TECRL: variants seen among roughly 807,000 people sequenced by gnomAD.
TECRL encodes the protein trans-2,3-enoyl-CoA reductase-like.
A neutral mutation model predicts 52.8 loss-of-function variants in TECRL; 63 were observed. That is an observed-to-expected ratio of 1.19 (90% confidence interval 0.97 to 1.47). The LOEUF is 1.47. TECRL is among the 40% of genes most tolerant of loss of function. The probability of loss-of-function intolerance (pLI) is 0.00; values close to 1 mark genes in which losing one functional copy is unlikely to be tolerated. For missense variants in TECRL, 482 were observed against 429.6 expected, an observed-to-expected ratio of 1.12 and a Z score of -1.08; for synonymous variants, 164 against 141.9, an observed-to-expected ratio of 1.16 and a Z score of -1.10.
At chr4:64,407,484 C>CGTGTGT (rs1560567459) in intron 1 of TECRL, among the ~76,000 whole-genome samples, 2 of 133,258 alleles carry the variant, frequency 1.5e-5, no homozygotes, top group African/African-American at 5.6e-5. Context: ...AACTAATTGG[C>CGTGTGT]ATGTGTGTGT....
In TECRL at chr4:64,281,503, G is replaced by A; in HGVS notation, c.889C>T (p.Leu297=). The A allele has an allele frequency of 6.2e-7, 1 of 1,604,202 alleles. No individual in the cohort carries two copies. Among genetic ancestry groups the A allele is most frequent in the Non-Finnish European group, 8.5e-7 (1 of 1,174,832 alleles). The change falls in exon 10 of 12, where the codon CTG becomes TTG. Residue 297 remains leucine, a synonymous_variant. Transcript: ENST00000381210. Reference sequence around the variant, plus strand: ...TAGGTGTAGTTAGGACATGAAACCAGGAAAAACATCCATGTGAAGGGGTTA... The same window carrying A: ...TAGGTGTAGTTAGGACATGAAACCAAGAAAAACATCCATGTGAAGGGGTTA... The part of the protein sequence containing the change: ...NYNPFTWMFF[L]VSCPNYTYEI...
downstream of TECRL, chr4:64,276,928 G>T (rs1722594361): frequency 1.2e-5 from 9 of 760,136 alleles, no homozygotes; most frequent in South Asian, 1.6e-4. Context: ...ATGAAGGTTA[G>T]GTTTTAAAGG....
intron 9 of TECRL, 140 bp downstream of exon 9, chr4:64,289,570 A>G (rs1002873799): frequency 4.3e-5 from 28 of 657,280 alleles, no homozygotes; most frequent in Non-Finnish European, 5.2e-5. Flanking sequence ...TGGAAAAACT[A>G]GACATAAAAG....
At position 64,286,516 on chromosome 4, in the gene TECRL, A is replaced by G. The variant is rs1322298972; in HGVS notation, c.832+3194T>C. 2.7e-5 allele frequency among the ~76,000 whole-genome samples: 4 copies of G among 149,102 alleles called. No individual in the cohort carries two copies. The South Asian group carries it at 6.6e-4, about 24-fold the overall frequency. ...AAACTAATTTTAAAATTGTAATTTG[A>G]GGAAATTTTTTAGAACGTAAAAAAA... is the stretch of plus-strand genomic sequence containing the variant. On this transcript the variant is annotated intron_variant, in intron 9 of 11. Coordinates refer to ENST00000381210, the MANE Select transcript of TECRL (RefSeq NM_001010874.5).
intron 2 of TECRL, among the ~76,000 whole-genome samples, chr4:64,364,569 T>G (rs761020561): frequency 6.6e-6 from 1 of 151,796 alleles, no homozygotes; most frequent in African/African-American, 2.4e-5. Flanking sequence ...AGAAATGATA[T>G]AGATAACATT....
intron 2 of TECRL, among the ~76,000 whole-genome samples, chr4:64,374,144 A>G (rs1722207308): frequency 6.8e-6 from 1 of 146,670 alleles, no homozygotes; most frequent in Non-Finnish European, 1.5e-5. Context: ...TGTTCAACAT[A>G]ACCAATTCCT....
intron 4 of TECRL, among the ~76,000 whole-genome samples, chr4:64,321,504 C>G (rs1009814341): frequency 6.6e-6 from 1 of 151,968 alleles, no homozygotes; most frequent in African/African-American, 2.4e-5. Context: ...ATACAAATAA[C>G]AGAAGTTTAA....
chr4:64,356,129 G>A (rs1249896119), intron 2 of TECRL, among the ~76,000 whole-genome samples: 2 of 152,076 alleles, frequency 1.3e-5, no homozygotes, highest in Non-Finnish European at 2.9e-5. Context: ...AAAAGTCATC[G>A]CCATTCTCTA....
intron 8 of TECRL, among the ~76,000 whole-genome samples, chr4:64,295,789 G>A (rs879598260): frequency 1.2e-4 from 18 of 151,770 alleles, no homozygotes; most frequent in Admixed American, 3.3e-4. Flanking sequence ...TAAGTTAGTC[G>A]TAGCTCAAAA....
At chr4:64,347,493 C>G (rs1483582080) in intron 2 of TECRL, among the ~76,000 whole-genome samples, 1 of 152,166 alleles carries the variant, frequency 6.6e-6, no homozygotes, top group Non-Finnish European at 1.5e-5. Flanking sequence ...CTACCCAAGA[C>G]AGGCAATTTA....
intron 1 of TECRL, among the ~76,000 whole-genome samples, chr4:64,408,573 T>C (rs1724885191): frequency 6.6e-6 from 1 of 152,036 alleles, no homozygotes; most frequent in Non-Finnish European, 1.5e-5. Context: ...ATAGTGTTTT[T>C]GAAGCAAGTA....
At chr4:64,337,206 G>A (rs1719163133) in intron 2 of TECRL, among the ~76,000 whole-genome samples, 1 of 152,062 alleles carries the variant, frequency 6.6e-6, no homozygotes, top group African/African-American at 2.4e-5. Flanking sequence ...TACAGAAAAG[G>A]CCTTTGACAA....
chr4:64,375,544 C>A (rs1432054564), intron 1 of TECRL, among the ~76,000 whole-genome samples: 1 of 151,716 alleles, frequency 6.6e-6, no homozygotes, highest in African/African-American at 2.4e-5. Flanking sequence ...ATAAAACTAT[C>A]AATTAAAAAT....
intron 1 of TECRL, among the ~76,000 whole-genome samples, chr4:64,382,898 A>C (rs893361389): frequency 7.3e-5 from 11 of 150,918 alleles, no homozygotes; most frequent in Admixed American, 7.3e-4. Context: ...ACTTTTTTGT[A>C]TTTTCATGGT....
chr4:64,303,921 T>G (rs539668242), intron 7 of TECRL, among the ~76,000 whole-genome samples: 27 of 151,972 alleles, frequency 1.8e-4, no homozygotes, highest in Non-Finnish European at 3.1e-4. Flanking sequence ...TAATTGTATC[T>G]TATGCATTTA....
intron 2 of TECRL, among the ~76,000 whole-genome samples, chr4:64,345,701 A>G (rs1719905652): frequency 6.6e-6 from 1 of 151,628 alleles, no homozygotes; most frequent in South Asian, 2.1e-4. Flanking sequence ...AAAGTATAAT[A>G]ATAAAAAAAA....
chr4:64,281,323 G>C, intron 10 of TECRL, 151 bp downstream of exon 10: 1 of 583,588 alleles, frequency 1.7e-6, no homozygotes, highest in Admixed American at 3.5e-5. Context: ...AATTGTGATT[G>C]AAATGTTCTA....
intron 6 of TECRL, among the ~76,000 whole-genome samples, chr4:64,306,864 A>G (rs1290756825): frequency 6.6e-6 from 1 of 152,214 alleles, no homozygotes; most frequent in Non-Finnish European, 1.5e-5. Flanking sequence ...CCAAGCCCCA[A>G]ACTCCTCTCT....
intron 2 of TECRL, among the ~76,000 whole-genome samples, chr4:64,338,966 A>G (rs1400825523): frequency 6.6e-6 from 1 of 152,110 alleles, no homozygotes; most frequent in Non-Finnish European, 1.5e-5. Flanking sequence ...TCATGCTGCT[A>G]TGAAGACACA....
Sources: allele counts gnomAD v4.1 joint callset (sites outside exome capture counted in the v4.1 genomes callset), GRCh38; gene constraint gnomAD v4.1.1; transcripts MANE v1.5; gene names NCBI Gene and HGNC (gene_info 2026-07-23, HGNC 2026-07-21).